Variants in SCNN1B observed in about 807,000 individuals in gnomAD.
SCNN1B encodes the protein sodium channel epithelial 1 subunit beta.
A neutral mutation model predicts 65.3 loss-of-function variants in SCNN1B; 46 were observed. That is an observed-to-expected ratio of 0.70 (90% CI 0.56 to 0.90). The LOEUF is 0.90. Among genes scored for constraint, SCNN1B ranks in the 40% least tolerant of loss-of-function variants. The pLI is 0.00. For synonymous variants in SCNN1B, 349 were observed against 330.6 expected, an observed-to-expected ratio of 1.06 and a Z score of -0.60; for missense variants, 751 against 830.5, an observed-to-expected ratio of 0.90 and a Z score of 1.18.
chr16:23,292,039 C>T (rs947487378), intron 2 of SCNN1B, among the ~76,000 whole-genome samples: 6 of 151,978 alleles, frequency 3.9e-5, no homozygotes, highest in Non-Finnish European at 8.8e-5. Flanking sequence ...CAGCAAATTA[C>T]GTCAACTCTT....
At chr16:23,334,530 G>A (rs1432587483) in intron 1 of SCNN1B, among the ~76,000 whole-genome samples, 1 of 152,142 alleles carries the variant, frequency 6.6e-6, no homozygotes. Flanking sequence ...CAACACTTCA[G>A]CTCACCTGAA....
At chr16:23,316,871 A>T (rs1341422122) in intron 1 of SCNN1B, among the ~76,000 whole-genome samples, 1 of 151,874 alleles carries the variant, frequency 6.6e-6, no homozygotes, top group East Asian at 1.9e-4. Context: ...CATCACCATC[A>T]TCAGCATCAT....
At chr16:23,299,576 C>T (rs1961045110), upstream of SCNN1B, among the ~76,000 whole-genome samples, 1 of 152,144 alleles carries the variant, frequency 6.6e-6, no homozygotes, top group Non-Finnish European at 1.5e-5. Flanking sequence ...TTTTCCCTGA[C>T]AGTGCAAAAG....
rs1596860379 is a variant in SCNN1B at position 23,348,856 on chromosome 16, G to T, written c.257G>T (p.Gly86Val). 3.1e-6 allele frequency: 5 copies of T among 1,614,096 alleles called. No homozygotes were observed. Among genetic ancestry groups the T allele is most frequent in the Non-Finnish European group, 4.2e-6 (5 of 1,180,018 alleles). Reference protein sequence around the residue: ...SWEVSVSLSVGFKTMDFPAVT... With the variant: ...SWEVSVSLSVVFKTMDFPAVT... Reference sequence around the variant, plus strand: ...GAGGTCAGCGTCTCCCTCTCCGTAGGCTTCAAGACCATGGACTTCCCTGCC... The same window carrying T: ...GAGGTCAGCGTCTCCCTCTCCGTAGTCTTCAAGACCATGGACTTCCCTGCC... Residue 86 changes from glycine (G) to valine (V), a missense_variant, in exon 2 of 13, where the codon GGC (glycine) becomes GTC (valine). Physicochemically the swap from Gly to Val is moderately radical, Grantham distance 109 (BLOSUM62 -3). Transcript: ENST00000343070. The surrounding 1 kb of genome is among the most constrained non-coding windows in gnomAD (Gnocchi z 4.5).
At position 23,375,720 on chromosome 16, in the gene SCNN1B, A is replaced by G. The variant is rs1179067531; in HGVS notation, c.1153-18A>G. On this transcript the variant is annotated intron_variant, in intron 7 of 12. Coordinates refer to ENST00000343070, the MANE Select transcript of SCNN1B (RefSeq NM_000336.3). ...CCATGCCTGTGTTCTCTCCTTATGA[A>G]CCCCCTACCCTCCCCAGGCCTGTCT... 6.4e-7 allele frequency: 1 copy of G among 1,562,812 alleles called. No homozygotes were observed. The highest frequency in any genetic ancestry group is 8.8e-7 in the Non-Finnish European group (1 of 1,134,244).
At chr16:23,343,585 AAGAAAGAAAGAAAG>A (rs1962110103) in intron 1 of SCNN1B, among the ~76,000 whole-genome samples, 1 of 29,502 alleles carries the variant, frequency 3.4e-5, no homozygotes, top group Non-Finnish European at 7.8e-5. Flanking sequence ...GAAAAAGAGA[AAGAAAGAAAGAAAG>A]AAAGAAAGAA....
At chr16:23,322,020 G>T (rs1299317389) in intron 1 of SCNN1B, among the ~76,000 whole-genome samples, 1 of 152,114 alleles carries the variant, frequency 6.6e-6, no homozygotes, top group Admixed American at 6.5e-5. Flanking sequence ...GTGAGACCCT[G>T]TCTCAAATAA....
chr16:23,306,253 A>AG (rs1961217458), intron 1 of SCNN1B, among the ~76,000 whole-genome samples: 1 of 152,096 alleles, frequency 6.6e-6, no homozygotes, highest in South Asian at 2.1e-4. Context: ...AAAAAAAAAA[A>AG]AAACCTATGT....
At chr16:23,333,794 A>G (rs1324078304) in intron 1 of SCNN1B, among the ~76,000 whole-genome samples, 2 of 150,552 alleles carry the variant, frequency 1.3e-5, no homozygotes, top group Admixed American at 6.6e-5. Context: ...CAATACAGCA[A>G]GACCCCATCT....
Position 23,380,777 on chromosome 16 carries a change from T to C in SCNN1B, c.1899T>C (p.Ser633=). 1 of 1,612,380 alleles carries C rather than the reference T, an allele frequency of 6.2e-7. No homozygotes were observed. The highest frequency in any genetic ancestry group is 8.5e-7 in the Non-Finnish European group (1 of 1,179,950). The change falls in exon 13 of 13, where the codon TCT becomes TCC. Residue 633 remains serine (S), a synonymous_variant. Coordinates refer to ENST00000343070, the MANE Select transcript of SCNN1B (RefSeq NM_000336.3). The surrounding 1 kb of genome is among the most constrained non-coding windows in gnomAD (Gnocchi z 5.4). ...LRLQPLDVIE[S]DSEGDAI ...TGCAGCCGCTGGACGTCATCGAGTCTGACAGTGAGGGTGATGCCATCTAAC... is the reference window on the plus strand; with the variant it reads ...TGCAGCCGCTGGACGTCATCGAGTCCGACAGTGAGGGTGATGCCATCTAAC...
intron 4 of SCNN1B, among the ~76,000 whole-genome samples, chr16:23,357,167 C>T (rs985532328): frequency 3.9e-5 from 6 of 152,228 alleles, no homozygotes; most frequent in African/African-American, 7.2e-5. Context: ...GCTATGGGCA[C>T]GTGACAGGCT....
intron 2 of SCNN1B, among the ~76,000 whole-genome samples, chr16:23,290,595 T>C (rs1960909078): frequency 6.6e-6 from 1 of 152,212 alleles, no homozygotes; most frequent in Non-Finnish European, 1.5e-5. Flanking sequence ...GCACGAGCCA[T>C]AGCACCCCTC....
At chr16:23,319,924 C>T (rs528076744) in intron 1 of SCNN1B, among the ~76,000 whole-genome samples, 413 of 152,250 alleles carry the variant, frequency 2.7e-3, no homozygotes, top group African/African-American at 9.7e-3. Flanking sequence ...CACGCCACCA[C>T]GTCCGACTAA....
intron 5 of SCNN1B, 128 bp downstream of exon 5, chr16:23,368,087 G>C: frequency 1.3e-6 from 1 of 799,458 alleles, no homozygotes; most frequent in Non-Finnish European, 2.2e-6. Flanking sequence ...AGGAGTGGCT[G>C]CTACCGAGGC....
In SCNN1B at chr16:23,368,934, A is replaced by T. The variant is rs192800622; in HGVS notation, c.880+975A>T. On this transcript the variant is annotated intron_variant, in intron 5 of 12. Coordinates refer to ENST00000343070, the MANE Select transcript of SCNN1B (RefSeq NM_000336.3). ...GAGGCAGGTGAGGGACAAGAAATTA[A>T]TGAGTACAGTATATATGATTCCAGT... Among the ~76,000 whole-genome samples the T allele has an allele frequency of 3.3e-4, 51 of 152,334 alleles. No individual in the cohort carries two copies. In the East Asian group the frequency reaches 6.4e-3, roughly 19 times the overall value.
At chr16:23,356,134 G>A (rs1962416184) in intron 4 of SCNN1B, among the ~76,000 whole-genome samples, 1 of 152,246 alleles carries the variant, frequency 6.6e-6, no homozygotes, top group African/African-American at 2.4e-5. Context: ...CCAACAGGTT[G>A]ATGAGGTGTC....
intron 7 of SCNN1B, among the ~76,000 whole-genome samples, chr16:23,374,271 A>G (rs1962844716): frequency 8.5e-6 from 1 of 117,752 alleles, no homozygotes; most frequent in African/African-American, 4.4e-5. Flanking sequence ...GTCTCAGGAA[A>G]AAAAAAAAAA....
chr16:23,300,213 G>T (rs1961054303), upstream of SCNN1B, among the ~76,000 whole-genome samples: 1 of 152,138 alleles, frequency 6.6e-6, no homozygotes, highest in Admixed American at 6.6e-5. Flanking sequence ...CTAGGGGACG[G>T]AGAGCATTAG....
intron 1 of SCNN1B, among the ~76,000 whole-genome samples, chr16:23,278,683 T>A (rs1473699954): frequency 6.7e-6 from 1 of 150,200 alleles, no homozygotes; most frequent in Non-Finnish European, 1.5e-5. Context: ...GGTACTGGAT[T>A]GTTCACTTTA....
Sources: gnomAD v4.1 joint callset for allele counts (sites outside exome capture counted in the v4.1 genomes callset) on GRCh38, gnomAD v4.1.1 for gene constraint, Gnocchi (gnomAD v3.1) non-coding constraint, MANE v1.5 for transcripts, NCBI Gene and HGNC (gene_info 2026-07-23, HGNC 2026-07-21) for gene names.